Variants in KIF24 observed in about 807,000 individuals in gnomAD.
KIF24 encodes the protein kinesin family member 24.
KIF24 carries 81 observed loss-of-function variants against 118.9 expected under a neutral mutation model. The observed-to-expected ratio is 0.68, with a 90% CI of 0.57 to 0.82. KIF24 has a LOEUF of 0.82. Among genes scored for constraint, KIF24 ranks in the 40% least tolerant of loss-of-function variants. The pLI, the probability that KIF24 is intolerant of heterozygous loss-of-function variation, is 0.00. For missense variants in KIF24, 1,560 were observed against 1,661.6 expected (o/e 0.94, Z 1.06); for synonymous variants, 599 against 610.0 (o/e 0.98, Z 0.27).
intron 6 of KIF24, among the ~76,000 whole-genome samples, chr9:34,277,022 T>C (rs1835681591): frequency 6.6e-6 from 1 of 152,242 alleles, no homozygotes; most frequent in Non-Finnish European, 1.5e-5. Context: ...GATGCGATGC[T>C]GATGGATCAT....
At chr9:34,259,537 G>T in intron 10 of KIF24, 59 bp downstream of exon 10, 1 of 1,274,096 alleles carries the variant, frequency 7.8e-7, no homozygotes, top group Non-Finnish European at 1.1e-6. Context: ...ACACACGCGT[G>T]CTGCACAGAC....
chr9:34,262,658 AAAAAAAAAAAAAAAAAAAT>A, intron 9 of KIF24, among the ~76,000 whole-genome samples: 1 of 35,392 alleles, frequency 2.8e-5, no homozygotes, highest in Middle Eastern at 0.011. Context: ...AAAAAAAAAA[AAAAAAAAAAAAAAAAAAAT>A]ATATATATAT....
intron 4 of KIF24, among the ~76,000 whole-genome samples, chr9:34,295,115 ATAGATAGGTAGG>A (rs149452927): frequency 0.47 from 71,493 of 151,472 alleles, 19,821 homozygotes; most frequent in South Asian, 0.63. Context: ...TACAATTTTA[ATAGATAGGTAGG>A]TAGATAGGTA....
chr9:34,254,456 CTCTGG>C lies in KIF24; in HGVS notation c.4026_4030del (p.Ile1342MetfsTer20). 5 of 1,613,904 alleles carry C rather than the reference CTCTGG, an allele frequency of 3.1e-6. No homozygotes were observed. The highest frequency in any genetic ancestry group is 4.2e-6 in the Non-Finnish European group (5 of 1,179,854). ...ATAGAGCTGCAGCTGGCTCCTCAGA[CTCTGG>C]ATACACTTGGATTTCAGAACCATGA... On this transcript the variant is annotated frameshift_variant, in exon 13 of 13. Coordinates refer to ENST00000402558, the MANE Select transcript of KIF24 (RefSeq NM_194313.4). LOFTEE classifies it high-confidence loss of function.
At position 34,257,358 on chromosome 9, in the gene KIF24, C is replaced by A; in HGVS notation, c.2249G>T (p.Trp750Leu). 1 of 1,614,018 alleles carries A rather than the reference C, an allele frequency of 6.2e-7. No individual in the cohort carries two copies. The highest frequency in any genetic ancestry group is 8.5e-7 in the Non-Finnish European group (1 of 1,179,886). ...CTTCTGATGTGGCGGGATGTTTGTCCAAGCTTCAGAGGCAGGCCTAGCAGG... is the reference window on the plus strand; with the variant it reads ...CTTCTGATGTGGCGGGATGTTTGTCAAAGCTTCAGAGGCAGGCCTAGCAGG... ...GTPARPASEA[W>L]TNIPPHQKER... The change falls in exon 11 of 13, where the codon TGG becomes TTG. Residue 750 changes from tryptophan to leucine, a missense_variant. Trp to Leu is a moderately conservative substitution (Grantham distance 61). This residue lies in a region of KIF24 where 964 missense variants were observed against 988.0 expected (regional missense o/e 0.98). Transcript: ENST00000402558.
At position 34,318,445 on chromosome 9, in the gene KIF24, G is replaced by C. The variant is rs1196279263; in HGVS notation, c.-25-7074C>G. 3.5e-5 allele frequency: 25 copies of C among 718,964 alleles called. No individual in the cohort carries two copies. The highest frequency in any genetic ancestry group is 5.0e-5 in the Non-Finnish European group (20 of 399,242). 44.5% of individuals were successfully genotyped at this position (718,964 alleles called of 1,614,324 possible). On this transcript the variant is annotated intron_variant, in intron 1 of 12. Coordinates refer to ENST00000402558, the MANE Select transcript of KIF24 (RefSeq NM_194313.4). The surrounding 1 kb of genome is among the most constrained non-coding windows in gnomAD (Gnocchi z 4.9). The stretch of plus-strand genomic sequence containing the variant: ...TCCTCAGCGCCTTCTGCCTCCTGGC[G>C]GTGGCCTTGGCGACCGAGGTGAAGA...
intron 8 of KIF24, among the ~76,000 whole-genome samples, chr9:34,267,615 A>T (rs1417672137): frequency 1.3e-5 from 2 of 152,190 alleles, no homozygotes; most frequent in Non-Finnish European, 2.9e-5. Context: ...AATGTTAATT[A>T]TATATTTTAT....
rs1834851676 is a variant in KIF24, at chr9:34,256,533, T to G, written c.3074A>C (p.Asn1025Thr). 6.2e-7 allele frequency: 1 copy of G among 1,613,760 alleles called. No homozygotes were observed. The highest frequency in any genetic ancestry group is 1.3e-5 in the African/African-American group (1 of 74,876). ...ATCCTCTCCTGGGACAGCATGACCG[T>G]TTTTCACAGTGCTGGTCACCTGGAT... is the stretch of plus-strand genomic sequence containing the variant. ...GPIQVTSTVK[N>T]GHAVPGEDPR... Residue 1025 changes from asparagine (N) to threonine (T), a missense_variant, in exon 11 of 13, where the codon AAC (asparagine) becomes ACC (threonine). This residue lies in a region of KIF24 where 591 missense variants were observed against 655.6 expected (regional missense o/e 0.90). Transcript: ENST00000402558.
At chr9:34,287,569 T>C (rs12555134) in intron 5 of KIF24, among the ~76,000 whole-genome samples, 1,564 of 152,300 alleles carry the variant, frequency 0.01, 20 homozygotes, top group African/African-American at 0.031. Flanking sequence ...GAATTCCACT[T>C]CATAACTTAA....
Position 34,255,908 on chromosome 9 carries a change from C to G in KIF24, c.3699G>C (p.Gln1233His), listed in dbSNP as rs758928611. ...ERKHPTRLGW[Q>H]EFGLSTDPIK... ...TGGGGTCTGTGGACAAACCAAACTC[C>G]TGCCAACCAAGCCTTGTAGGATGTT... Residue 1233 changes from glutamine to histidine, a missense_variant, in exon 11 of 13, where the codon CAG becomes CAC. Transcript: ENST00000402558. The G allele has an allele frequency of 1.2e-5, 19 of 1,613,888 alleles. No homozygotes were observed. The highest frequency in any genetic ancestry group is 1.6e-4 in the Middle Eastern group (1 of 6,084).
rs2083288445 is a variant in KIF24, at chr9:34,256,371, CTG to C, written c.3234_3235del (p.His1078GlnfsTer20). ...GCCCCCTGTGCTCTCTGCCACTAGA[CTG>C]TGCGTAGCCCCATCCTGGACCAGCT... On this transcript the variant is annotated frameshift_variant, in exon 11 of 13. Coordinates refer to ENST00000402558, the MANE Select transcript of KIF24 (RefSeq NM_194313.4). LOFTEE classifies it high-confidence loss of function. The C allele has an allele frequency of 1.1e-5, 17 of 1,613,902 alleles. No individual in the cohort carries two copies. The highest frequency in any genetic ancestry group is 1.4e-5 in the Non-Finnish European group (17 of 1,179,888).
chr9:34,323,187 G>A lies in KIF24; in HGVS notation c.-26+5919C>T, dbSNP rs753348862. Among the ~76,000 whole-genome samples, 15 of 152,186 alleles carry A rather than the reference G, an allele frequency of 9.9e-5. No homozygotes were observed. In the East Asian group the frequency reaches 2.7e-3, roughly 27 times the overall value. ...ATTCTTAAGGCAAGATGTGGATTTG[G>A]GGATATAAATCATGTAAATTATATC... On this transcript the variant is annotated intron_variant, in intron 1 of 12. Transcript: ENST00000402558.
chr9:34,311,739 CATATAT>C (rs1160485257), intron 1 of KIF24, among the ~76,000 whole-genome samples: 1 of 135,218 alleles, frequency 7.4e-6, no homozygotes, highest in Non-Finnish European at 1.6e-5. Context: ...TATATATATA[CATATAT>C]ACGTATATAT....
At chr9:34,295,579 G>A (rs992221039) in intron 4 of KIF24, among the ~76,000 whole-genome samples, 5 of 152,196 alleles carry the variant, frequency 3.3e-5, no homozygotes, top group African/African-American at 4.8e-5. Context: ...TCAGGAGGCT[G>A]AGATGGGAGG....
chr9:34,291,352 A>G (rs1441541245), intron 4 of KIF24, among the ~76,000 whole-genome samples: 1 of 152,176 alleles, frequency 6.6e-6, no homozygotes, highest in Non-Finnish European at 1.5e-5. Flanking sequence ...GGGGAAAAAA[A>G]AAGCCTGGGC....
chr9:34,298,494 T>C (rs1036561569), intron 3 of KIF24, among the ~76,000 whole-genome samples: 4 of 150,670 alleles, frequency 2.7e-5, no homozygotes, highest in Non-Finnish European at 4.4e-5. Context: ...TGCAGTGAGC[T>C]GAGATCGCAC....
chr9:34,288,934 G>A (rs556301208), intron 5 of KIF24, among the ~76,000 whole-genome samples: 2 of 151,340 alleles, frequency 1.3e-5, no homozygotes, highest in South Asian at 4.2e-4. Context: ...TTCTTTAAGG[G>A]AAGTGGGCAT....
At chr9:34,271,116 T>C (rs1835487785) in intron 7 of KIF24, among the ~76,000 whole-genome samples, 1 of 151,876 alleles carries the variant, frequency 6.6e-6, no homozygotes, top group Non-Finnish European at 1.5e-5. Context: ...AACATGAGTG[T>C]CAGCTTTCCA....
intron 8 of KIF24, among the ~76,000 whole-genome samples, chr9:34,269,038 T>C (rs991390079): frequency 1.3e-5 from 2 of 152,208 alleles, no homozygotes; most frequent in Non-Finnish European, 2.9e-5. Flanking sequence ...TTGGCATGGA[T>C]TGACCAGGGG....
Sources: gnomAD v4.1 joint callset for allele counts (sites outside exome capture counted in the v4.1 genomes callset) on GRCh38, gnomAD v4.1.1 for gene constraint, gnomAD v4.1.1 regional missense constraint, Gnocchi (gnomAD v3.1) non-coding constraint, MANE v1.5 for transcripts, NCBI Gene and HGNC (gene_info 2026-07-23, HGNC 2026-07-21) for gene names.